Variants in AUH observed in about 807,000 individuals in gnomAD.
The protein encoded by AUH is AU RNA binding methylglutaconyl-CoA hydratase.
AUH carries 29 observed loss-of-function variants against 42.3 expected under a neutral mutation model. The observed-to-expected ratio is 0.69, with a 90% CI of 0.51 to 0.93. The LOEUF is 0.93. Among genes scored for constraint, AUH ranks in the 40% least tolerant of loss-of-function variants. AUH has a pLI of 0.00. For synonymous variants in AUH, 174 were observed against 166.4 expected (o/e 1.05, Z -0.35); for missense variants, 452 against 438.1 (o/e 1.03, Z -0.28).
At chr9:91,338,926 A>G (rs1272400248) in intron 3 of AUH, among the ~76,000 whole-genome samples, 3 of 152,230 alleles carry the variant, frequency 2.0e-5, no homozygotes, top group Admixed American at 6.5e-5. Context: ...TTCTATGATT[A>G]TATCTCTTTG....
chr9:91,218,564 G>T, intron 7 of AUH: 1 of 951,322 alleles, frequency 1.1e-6, no homozygotes, highest in Non-Finnish European at 1.3e-6. Context: ...GCCAGGAGAT[G>T]CCCAGGCTGC....
intron 6 of AUH, among the ~76,000 whole-genome samples, chr9:91,230,187 G>T (rs1827782992): frequency 6.6e-6 from 1 of 151,894 alleles, no homozygotes; most frequent in Non-Finnish European, 1.5e-5. Flanking sequence ...ATCACTTTCA[G>T]GTACACCAAT....
At chr9:91,334,494 T>C (rs1564112145) in intron 3 of AUH, among the ~76,000 whole-genome samples, 2 of 152,322 alleles carry the variant, frequency 1.3e-5, no homozygotes, top group South Asian at 2.1e-4. Flanking sequence ...AGATTTACAC[T>C]GGCTCCCATG....
intron 6 of AUH, among the ~76,000 whole-genome samples, chr9:91,262,712 C>T (rs1330848171): frequency 7.0e-6 from 1 of 142,332 alleles, no homozygotes; most frequent in Admixed American, 6.9e-5. Context: ...GGGGTGGGGG[C>T]GTGGGGTGGG....
At chr9:91,254,230 T>C (rs1456028845) in intron 6 of AUH, among the ~76,000 whole-genome samples, 1 of 152,106 alleles carries the variant, frequency 6.6e-6, no homozygotes, top group Non-Finnish European at 1.5e-5. Flanking sequence ...ATTTTATAAC[T>C]TGGGGCTAAA....
At chr9:91,318,977 C>T (rs1829367898) in intron 4 of AUH, among the ~76,000 whole-genome samples, 1 of 152,236 alleles carries the variant, frequency 6.6e-6, no homozygotes. Flanking sequence ...CTTTTGGTTA[C>T]ATGACTATTC....
chr9:91,221,577 C>T (rs143393822), intron 6 of AUH, among the ~76,000 whole-genome samples: 8 of 152,254 alleles, frequency 5.3e-5, no homozygotes, highest in East Asian at 1.9e-4. Flanking sequence ...CTCTCGGAGA[C>T]GCTCTCTCAC....
At chr9:91,236,614 G>C (rs986002620) in intron 6 of AUH, among the ~76,000 whole-genome samples, 1 of 152,184 alleles carries the variant, frequency 6.6e-6, no homozygotes, top group Non-Finnish European at 1.5e-5. Context: ...TGCAGAGTGA[G>C]AGGCAGGAAA....
At chr9:91,314,595 T>A (rs1294915192) in intron 4 of AUH, among the ~76,000 whole-genome samples, 2 of 149,204 alleles carry the variant, frequency 1.3e-5, no homozygotes, top group East Asian at 2.0e-4. Flanking sequence ...AAAAAAAAAA[T>A]TCTAAGCCCC....
chr9:91,347,157 C>A (rs1330288437), intron 3 of AUH, among the ~76,000 whole-genome samples: 3 of 152,110 alleles, frequency 2.0e-5, no homozygotes, highest in Admixed American at 6.5e-5. Flanking sequence ...GCACCTCAGC[C>A]CCCTCAAGTA....
intron 6 of AUH, among the ~76,000 whole-genome samples, chr9:91,284,178 T>A (rs908490155): frequency 6.6e-6 from 1 of 152,126 alleles, no homozygotes; most frequent in African/African-American, 2.4e-5. Flanking sequence ...AACCATCTGA[T>A]CTTTGACAAA....
chr9:91,214,505 A>AGTTTT, intron 9 of AUH, 80 bp from the exon 10 acceptor site: 3 of 1,151,036 alleles, frequency 2.6e-6, no homozygotes, highest in Non-Finnish European at 3.7e-6. Flanking sequence ...TAAGAAAACT[A>AGTTTT]CTTAGAACCA....
intron 7 of AUH, among the ~76,000 whole-genome samples, chr9:91,220,428 T>G (rs2131212313): frequency 6.6e-6 from 1 of 152,370 alleles, no homozygotes; most frequent in East Asian, 1.9e-4. Flanking sequence ...GTATTTTGAC[T>G]TGGGGTGGCC....
rs185122027 is a variant in AUH at position 91,296,550 on chromosome 9, T to C, written c.599-473A>G. ...GTTACCTTCTGACAAATAGTTTTACTATTCTGACAGGTGGACAGGGTTCCT... is the reference window on the plus strand; with the variant it reads ...GTTACCTTCTGACAAATAGTTTTACCATTCTGACAGGTGGACAGGGTTCCT... On this transcript the variant is annotated intron_variant, in intron 5 of 9. Coordinates refer to ENST00000375731, the MANE Select transcript of AUH (RefSeq NM_001698.3). 1.9e-3 allele frequency among the ~76,000 whole-genome samples: 296 copies of C among 152,344 alleles called. 1 individual carries two copies. The highest frequency in any genetic ancestry group is 6.7e-3 in the African/African-American group (279 of 41,590).
At chr9:91,319,845 C>G (rs921602977) in intron 4 of AUH, among the ~76,000 whole-genome samples, 4 of 152,224 alleles carry the variant, frequency 2.6e-5, no homozygotes, top group African/African-American at 9.6e-5. Flanking sequence ...TTCAAAAGGT[C>G]AAACGGTGCG....
intron 6 of AUH, among the ~76,000 whole-genome samples, chr9:91,242,491 G>A (rs1018574159): frequency 1.3e-5 from 2 of 152,198 alleles, no homozygotes; most frequent in African/African-American, 4.8e-5. Flanking sequence ...AAAAATAATA[G>A]AGGAGGAAAA....
At chr9:91,351,192 A>C (rs1353661138) in intron 3 of AUH, among the ~76,000 whole-genome samples, 1 of 152,062 alleles carries the variant, frequency 6.6e-6, no homozygotes, top group Non-Finnish European at 1.5e-5. Context: ...GCTGGTCTTG[A>C]ACTCCTAGGC....
At chr9:91,271,235 C>A (rs1300897361) in intron 6 of AUH, among the ~76,000 whole-genome samples, 2 of 152,070 alleles carry the variant, frequency 1.3e-5, no homozygotes, top group Non-Finnish European at 2.9e-5. Context: ...AAAACACAAT[C>A]AAAAAATGCT....
At position 91,249,579 on chromosome 9, in the gene AUH, ACT is replaced by A. The variant is rs1244304593; in HGVS notation, c.656-28589_656-28588del. On this transcript the variant is annotated intron_variant, in intron 6 of 9. Coordinates refer to ENST00000375731, the MANE Select transcript of AUH (RefSeq NM_001698.3). ...GAGATACTTTCAAAGCATACTTAAT[ACT>A]CAAATATCTTCTGTACCTTTGCTCA... Among the ~76,000 whole-genome samples the A allele has an allele frequency of 9.2e-5, 14 of 152,168 alleles. No individual in the cohort carries two copies. The East Asian group carries it at 2.5e-3, about 27-fold the overall frequency.
Sources: gnomAD v4.1 joint callset for allele counts (sites outside exome capture counted in the v4.1 genomes callset) on GRCh38, gnomAD v4.1.1 for gene constraint, MANE v1.5 for transcripts, NCBI Gene and HGNC (gene_info 2026-07-23, HGNC 2026-07-21) for gene names.